Variants in GDPD2 observed in about 807,000 individuals in gnomAD.
The protein encoded by GDPD2 is glycerophosphodiester phosphodiesterase domain containing 2.
In GDPD2, 23 loss-of-function variants were observed where a neutral mutation model predicts 49.2. That is an observed-to-expected ratio of 0.47 (90% CI 0.34 to 0.66). The LOEUF is 0.66. GDPD2 is among the 30% of genes least tolerant of loss of function. GDPD2 has a pLI of 0.01. For synonymous variants in GDPD2, 167 were observed against 171.4 expected, an observed-to-expected ratio of 0.97 and a Z score of 0.20; for missense variants, 338 against 424.7, an observed-to-expected ratio of 0.80 and a Z score of 1.79.
chrX:70,427,209 G>A lies in GDPD2; in HGVS notation c.775G>A (p.Val259Met). Reference protein sequence around the residue: ...ECGATVFETDVMVSSDGVPFL... With the variant: ...ECGATVFETDMMVSSDGVPFL... ...CGGAGCTACTGTGTTTGAGACTGAT[G>A]TGATGGTCAGGTGAGGGAAGCTGGG... The change falls in exon 9 of 16, where the codon GTG becomes ATG. Residue 259 changes from valine to methionine, a missense_variant. Physicochemically the swap from Val to Met is conservative, Grantham distance 21. This residue lies in a region of GDPD2 where 253 missense variants were observed against 330.4 expected (regional missense o/e 0.77). Transcript: ENST00000374382. 2 of 1,202,618 alleles carry A rather than the reference G, an allele frequency of 1.7e-6. No individual in the cohort carries two copies. The highest frequency in any genetic ancestry group is 2.3e-6 in the Non-Finnish European group (2 of 887,263).
chrX:70,424,414 C>T (rs761092494), intron 1 of GDPD2, among the ~76,000 whole-genome samples: 2 of 111,976 alleles, frequency 1.8e-5, no homozygotes, highest in South Asian at 3.7e-4. Flanking sequence ...GATTTGTGAT[C>T]TGAATAATCT....
At chrX:70,428,158 T>C (rs1490403451) in intron 10 of GDPD2, among the ~76,000 whole-genome samples, 1 of 111,642 alleles carries the variant, frequency 9.0e-6, no homozygotes, top group Non-Finnish European at 1.9e-5. Context: ...CACTTAATGA[T>C]TTTTTTACTT....
chrX:70,427,490 G>T (rs1320569087), intron 10 of GDPD2, 27 bp downstream of exon 10: 8 of 1,163,188 alleles, frequency 6.9e-6, no homozygotes, highest in Non-Finnish European at 9.4e-6. Flanking sequence ...CAAAGAGGCA[G>T]CCATCTGCAG....
In GDPD2 at chrX:70,432,590, C is replaced by A. The variant is rs1350737967; in HGVS notation, c.1467C>A (p.Thr489=). 2 of 1,199,519 alleles carry A rather than the reference C, an allele frequency of 1.7e-6. No individual in the cohort carries two copies. Among genetic ancestry groups the A allele is most frequent in the African/African-American group, 1.7e-5 (1 of 57,516 alleles). Residue 489 remains threonine, a synonymous_variant, in exon 14 of 16, where the codon ACC becomes ACA. Transcript: ENST00000374382. ...TCCTATTTTCACAGACCCCTCAAAC[C>A]TACCTAATCATATGGGTCATTACCA... The part of the protein sequence containing the change: ...RYPIWLITPQ[T]YLIIWVITNC...
rs1434243743 is a variant in GDPD2 at position 70,429,734 on chromosome X, C to T, written c.1158+20C>T. The T allele has an allele frequency of 3.5e-5, 39 of 1,125,664 alleles. No homozygotes were observed. The highest frequency in any genetic ancestry group is 4.6e-5 in the Non-Finnish European group (38 of 819,792). The allele number at this position is 1,125,664 out of a possible 1,213,427, so 92.8% of individuals were successfully genotyped here. A position where few individuals can be genotyped will look rare whatever the true frequency, so the allele number is the denominator to read the frequency against. On this transcript the variant is annotated intron_variant, in intron 11 of 15. Coordinates refer to ENST00000374382, the MANE Select transcript of GDPD2 (RefSeq NM_017711.4). ...GCCATGGTGATGTTGCCAGGACCCC[C>T]TCTCCCCACCCTGCCTTCCCTAGGC...
rs1190676286 is a variant in GDPD2, at chrX:70,427,024, C to T, written c.702+13C>T. The T allele has an allele frequency of 3.5e-6, 4 of 1,146,171 alleles. No individual in the cohort carries two copies. The highest frequency in any genetic ancestry group is 2.2e-5 in the Admixed American group (1 of 45,399). 94.5% of individuals were successfully genotyped at this position (1,146,171 alleles called of 1,213,427 possible). Reference sequence around the variant, plus strand: ...AGGGGCCCCCATGGTGAGTGTTGGACAGAATGCTGGGAGGGTGGGGAGGGT... The same window carrying T: ...AGGGGCCCCCATGGTGAGTGTTGGATAGAATGCTGGGAGGGTGGGGAGGGT... On this transcript the variant is annotated intron_variant, in intron 8 of 15. Transcript: ENST00000374382.
intron 10 of GDPD2, among the ~76,000 whole-genome samples, chrX:70,428,621 G>A (rs1308951255): frequency 4.5e-5 from 5 of 111,745 alleles, no homozygotes; most frequent in Admixed American, 9.5e-5. Flanking sequence ...AAGGATGTCT[G>A]GGTTTAAACC....
intron 1 of GDPD2, among the ~76,000 whole-genome samples, chrX:70,424,698 G>C (rs768623024): frequency 8.9e-6 from 1 of 112,485 alleles, no homozygotes; most frequent in South Asian, 3.7e-4. Context: ...TATGAATCCT[G>C]CCCGAAAAGA....
Position 70,430,006 on chromosome X carries a change from C to T in GDPD2, c.1250C>T (p.Thr417Met), listed in dbSNP as rs371744549. 1.2e-5 allele frequency: 14 copies of T among 1,209,803 alleles called. No homozygotes were observed. Among genetic ancestry groups the T allele is most frequent in the Admixed American group, 2.2e-5 (1 of 46,031 alleles). Residue 417 changes from threonine to methionine, a missense_variant, in exon 12 of 16, where the codon ACG (threonine) becomes ATG (methionine). By Grantham distance (81) the Thr-to-Met change is moderately conservative. Coordinates refer to ENST00000374382, the MANE Select transcript of GDPD2 (RefSeq NM_017711.4). ...QIYGRQGGNR[T>M]ERPQFLNLPY... ...TATGGACGTCAGGGAGGCAACAGAA[C>T]GGAGAGGCCCCAGTTTCTTAACCTC... is the stretch of plus-strand genomic sequence containing the variant.
rs753410122 is a variant in GDPD2, at chrX:70,427,185, G to A, written c.751G>A (p.Gly251Arg). Reference sequence around the variant, plus strand: ...GTCCTTGCGGAAGACAGCTGAATGCGGAGCTACTGTGTTTGAGACTGATGT... The same window carrying A: ...GTCCTTGCGGAAGACAGCTGAATGCAGAGCTACTGTGTTTGAGACTGATGT... ...LMSLRKTAEC[G>R]ATVFETDVMV... The change falls in exon 9 of 16, where the codon GGA becomes AGA. Residue 251 changes from glycine to arginine, a missense_variant. Gly to Arg is a moderately radical substitution (Grantham distance 125, BLOSUM62 -2). Around this residue, in one of 3 missense-constraint regions of GDPD2, gnomAD observed 253 missense variants for 330.4 expected, o/e 0.77. Coordinates refer to ENST00000374382, the MANE Select transcript of GDPD2 (RefSeq NM_017711.4). 9 of 1,205,759 alleles carry A rather than the reference G, an allele frequency of 7.5e-6. No individual in the cohort carries two copies. Among genetic ancestry groups the A allele is most frequent in the East Asian group, 3.0e-5 (1 of 33,729 alleles).
intron 10 of GDPD2, 67 bp downstream of exon 10, chrX:70,427,530 G>A (rs1424226705): frequency 3.2e-6 from 3 of 947,659 alleles, no homozygotes; most frequent in African/African-American, 3.8e-5. Flanking sequence ...AGTTCATTCT[G>A]TTGATAAGCA....
At chrX:70,428,493 A>G (rs1378182456) in intron 10 of GDPD2, among the ~76,000 whole-genome samples, 1 of 112,181 alleles carries the variant, frequency 8.9e-6, no homozygotes, top group Admixed American at 9.5e-5. Context: ...CTGCATACAC[A>G]AACTCTCTCT....
intron 1 of GDPD2, among the ~76,000 whole-genome samples, chrX:70,424,344 C>G (rs1294978694): frequency 9.0e-6 from 1 of 111,652 alleles, no homozygotes; most frequent in Middle Eastern, 4.2e-3. Flanking sequence ...CACCTCAAGT[C>G]TTTCTCTTTT....
At chrX:70,429,232 G>A (rs2086453170) in intron 10 of GDPD2, among the ~76,000 whole-genome samples, 1 of 111,614 alleles carries the variant, frequency 9.0e-6, no homozygotes, top group African/African-American at 3.3e-5. Context: ...AAACCAAAGG[G>A]TCAAGATTGC....
rs199943804 is a variant in GDPD2 at position 70,425,754 on chromosome X, C to T, written c.210-9C>T. Reference sequence around the variant, plus strand: ...CCCCACTTGGACACCTCCCTCTCCCCTCCCACAGATTCCTCTTCCGCCGCT... The same window carrying T: ...CCCCACTTGGACACCTCCCTCTCCCTTCCCACAGATTCCTCTTCCGCCGCT... On this transcript the variant is annotated splice_polypyrimidine_tract_variant and intron_variant, in intron 3 of 15. Transcript: ENST00000374382. The T allele has an allele frequency of 7.7e-5, 87 of 1,134,980 alleles. No individual in the cohort carries two copies. Among genetic ancestry groups the T allele is most frequent in the Middle Eastern group, 4.8e-4 (2 of 4,203 alleles). 93.5% of individuals were successfully genotyped at this position (1,134,980 alleles called of 1,213,427 possible).
Position 70,426,377 on chromosome X carries a change from C to G in GDPD2, c.370C>G (p.Leu124Val). ...TTCATCCCTGGCCCCCCAGGTGCTG[C>G]TGCTCCTCATTATGCTGCTTGTGGC... ...LHLHSLHKVL[L>V]LLIMLLVAAG... is the part of the protein sequence containing the mutation. Residue 124 changes from leucine to valine, a missense_variant, in exon 6 of 16, where the codon CTG (leucine) becomes GTG (valine). By Grantham distance (32) the Leu-to-Val change is conservative (BLOSUM62 1). Coordinates refer to ENST00000374382, the MANE Select transcript of GDPD2 (RefSeq NM_017711.4). 1.7e-6 allele frequency: 2 copies of G among 1,211,184 alleles called. No individual in the cohort carries two copies. The highest frequency in any genetic ancestry group is 3.0e-5 in the East Asian group (1 of 33,841).
chrX:70,425,865 G>A lies in GDPD2; in HGVS notation c.303+9G>A, dbSNP rs754447070. The A allele has an allele frequency of 1.3e-5, 14 of 1,071,260 alleles. No homozygotes were observed. The highest frequency in any genetic ancestry group is 9.0e-5 in the East Asian group (3 of 33,221). 88.3% of individuals were successfully genotyped at this position (1,071,260 alleles called of 1,213,427 possible). A position where few individuals can be genotyped will look rare whatever the true frequency, so the allele number is the denominator to read the frequency against. ...ATGCATCCTTGCTATTGGTGGGTCC[G>A]GAGGCCGCTGGCCTAACCCCACCTC... On this transcript the variant is annotated intron_variant, in intron 4 of 15. Coordinates refer to ENST00000374382, the MANE Select transcript of GDPD2 (RefSeq NM_017711.4).
At chrX:70,432,280 T>G (rs1284492686) in intron 12 of GDPD2, 27 bp from the exon 13 acceptor site, 1 of 1,189,091 alleles carries the variant, frequency 8.4e-7, no homozygotes, top group Non-Finnish European at 1.1e-6. Flanking sequence ...TTCTGGACAT[T>G]CCCTATTTTC....
At chrX:70,428,876 A>T (rs2086449738) in intron 10 of GDPD2, among the ~76,000 whole-genome samples, 1 of 112,244 alleles carries the variant, frequency 8.9e-6, no homozygotes, top group African/African-American at 3.2e-5. Context: ...TCATTCATTG[A>T]GAATAAGGAG....
Sources: allele counts gnomAD v4.1 joint callset (sites outside exome capture counted in the v4.1 genomes callset), GRCh38; gene constraint gnomAD v4.1.1; regional missense constraint gnomAD v4.1.1; transcripts MANE v1.5; gene names NCBI Gene and HGNC (gene_info 2026-07-23, HGNC 2026-07-21).